Variants in ANKMY1 observed in about 807,000 individuals in gnomAD.
ANKMY1 encodes ankyrin repeat and MYND domain containing 1, also known as ankyrin repeat and MYND domain-containing protein 1.
ANKMY1 carries 98 observed loss-of-function variants against 102.0 expected under a neutral mutation model. That is an observed-to-expected ratio of 0.96 (90% confidence interval 0.82 to 1.14). ANKMY1 has a LOEUF of 1.14. Ranked by LOEUF, ANKMY1 falls within the 50% of genes most tolerant of loss-of-function variation. The pLI is 0.00. For synonymous variants in ANKMY1, 582 were observed against 559.9 expected (o/e 1.04, Z -0.56); for missense variants, 1,330 against 1,347.6 (o/e 0.99, Z 0.20).
rs573749444 is a variant in ANKMY1 at position 240,557,958 on chromosome 2, C to G, written c.-95G>C. 1,023 of 985,684 alleles carry G rather than the reference C, an allele frequency of 1.0e-3. 12 individuals carry two copies. In the African/African-American group the frequency reaches 0.015, roughly 15 times the overall value. The allele number at this position is 985,684 out of a possible 1,614,324, so 61.1% of individuals were successfully genotyped here. On this transcript the variant is annotated 5_prime_UTR_variant, in exon 1 of 18. Coordinates refer to ENST00000401804, the MANE Select transcript of ANKMY1 (RefSeq NM_001282771.3). The stretch of plus-strand genomic sequence containing the variant: ...CAGCCACCGCGGACGCCCGCGCTCC[C>G]GTCCCGACTGCTTGCCAGCCCTGCG...
At chr2:240,478,650 C>T (rs1376669194), downstream of ANKMY1, among the ~76,000 whole-genome samples, 1 of 152,118 alleles carries the variant, frequency 6.6e-6, no homozygotes, top group Admixed American at 6.5e-5. Flanking sequence ...CACTGCTGAC[C>T]CCTTACAGAA....
chr2:240,504,402 A>G (rs936607214), intron 13 of ANKMY1, among the ~76,000 whole-genome samples: 17 of 152,198 alleles, frequency 1.1e-4, no homozygotes, highest in African/African-American at 4.1e-4. Flanking sequence ...AAACACAGGA[A>G]GAAGCTTCAT....
intron 4 of ANKMY1, 37 bp downstream of exon 4, chr2:240,552,877 A>T (rs2091762421): frequency 1.2e-6 from 2 of 1,612,770 alleles, no homozygotes; most frequent in Non-Finnish European, 1.7e-6. Context: ...ACACACAGCC[A>T]CTTCGACCCC....
chr2:240,509,005 GATGA>G (rs2079597277), intron 12 of ANKMY1, among the ~76,000 whole-genome samples: 2 of 152,118 alleles, frequency 1.3e-5, no homozygotes, highest in South Asian at 2.1e-4. Flanking sequence ...TGGATGAGAG[GATGA>G]ATAAGTGGGT....
chr2:240,509,427 A>G lies in ANKMY1; in HGVS notation c.2315T>C (p.Leu772Pro), dbSNP rs867616801. The G allele has an allele frequency of 6.2e-6, 10 of 1,613,564 alleles. No individual in the cohort carries two copies. The Middle Eastern group carries it at 8.3e-4, about 134-fold the overall frequency. Residue 772 changes from leucine (L) to proline (P), a missense_variant, in exon 12 of 18, where the codon CTA becomes CCA. Leu to Pro is a moderately conservative substitution (Grantham distance 98). Transcript: ENST00000401804. The stretch of plus-strand genomic sequence containing the variant: ...CAGGTTAGGATTTGCTCCGTGGGAT[A>G]GAAGGAGCCGGACTATGTCCCTGGC... ...KCARDIVRLL[L>P]SHGANPNLLW...
At chr2:240,505,851 G>T (rs1277024881) in intron 13 of ANKMY1, among the ~76,000 whole-genome samples, 1 of 152,188 alleles carries the variant, frequency 6.6e-6, no homozygotes, top group African/African-American at 2.4e-5. Flanking sequence ...AGCCAGGCAG[G>T]AGTCAGGGCC....
chr2:240,540,608 T>A (rs1409739176), intron 4 of ANKMY1, among the ~76,000 whole-genome samples: 1 of 152,178 alleles, frequency 6.6e-6, no homozygotes, highest in African/African-American at 2.4e-5. Flanking sequence ...TCTTCCCTGC[T>A]ATCTAAACCC....
Position 240,525,665 on chromosome 2 carries a change from G to A in ANKMY1, c.1335+20C>T, listed in dbSNP as rs2083210516. 5 of 1,611,954 alleles carry A rather than the reference G, an allele frequency of 3.1e-6. No individual in the cohort carries two copies. The highest frequency in any genetic ancestry group is 4.2e-6 in the Non-Finnish European group (5 of 1,178,784). ...ACTACAGGAGACAGTTGGTGGTGCA[G>A]TGGCCACCGGGGGGCTTACCTGGGG... On this transcript the variant is annotated intron_variant, in intron 7 of 17. Transcript: ENST00000401804.
intron 4 of ANKMY1, among the ~76,000 whole-genome samples, chr2:240,537,823 C>T (rs1293439783): frequency 5.9e-5 from 9 of 152,236 alleles, no homozygotes; most frequent in South Asian, 2.1e-4. Flanking sequence ...CCCACACCTG[C>T]GCCAATCGCT....
chr2:240,560,758 C>A, upstream of ANKMY1: 2 of 1,491,292 alleles, frequency 1.3e-6, no homozygotes, highest in Middle Eastern at 2.0e-4. Context: ...GTCGCGCCCT[C>A]ACTCTTCCTC....
chr2:240,490,212 A>G (rs763480236), intron 15 of ANKMY1, among the ~76,000 whole-genome samples: 2 of 151,952 alleles, frequency 1.3e-5, no homozygotes, highest in African/African-American at 2.4e-5. Flanking sequence ...CTTGTTTTCA[A>G]CTTTTTAAAG....
rs573339427 is a variant in ANKMY1, at chr2:240,557,860, G to A, written c.-18+21C>T. The A allele has an allele frequency of 2.5e-5, 25 of 984,910 alleles. No individual in the cohort carries two copies. In the South Asian group the frequency reaches 1.1e-3, roughly 43 times the overall value. 61.0% of individuals were successfully genotyped at this position (984,910 alleles called of 1,614,324 possible). On this transcript the variant is annotated intron_variant, in intron 1 of 17. Transcript: ENST00000401804. The stretch of plus-strand genomic sequence containing the variant: ...GATCCCCCTAGCCCCGGCTCCCAGC[G>A]CTCCTGTCGCGAGACCGCACCAAGC...
intron 4 of ANKMY1, among the ~76,000 whole-genome samples, chr2:240,538,822 G>T (rs1575262407): frequency 6.6e-6 from 1 of 152,206 alleles, no homozygotes; most frequent in Admixed American, 6.5e-5. Flanking sequence ...CTCAAGGTTT[G>T]TAAGTGCACC....
chr2:240,517,975 T>C (rs1227792042), intron 9 of ANKMY1, among the ~76,000 whole-genome samples: 1 of 152,030 alleles, frequency 6.6e-6, no homozygotes, highest in Non-Finnish European at 1.5e-5. Flanking sequence ...GATTAACCTT[T>C]GATTCTTGGG....
rs1405387258 is a variant in ANKMY1, at chr2:240,485,713, CTGAG to C, written c.2807-3456_2807-3453del. Among the ~76,000 whole-genome samples the C allele has an allele frequency of 2.0e-5, 3 of 152,080 alleles. 1 individual carries two copies. Among genetic ancestry groups the C allele is most frequent in the Non-Finnish European group, 4.4e-5 (3 of 68,030 alleles). On this transcript the variant is annotated intron_variant, in intron 15 of 17. Coordinates refer to ENST00000401804, the MANE Select transcript of ANKMY1 (RefSeq NM_001282771.3). The stretch of plus-strand genomic sequence containing the variant: ...CCAGTGATCCTCCCACCTCAGCCTC[CTGAG>C]TAACTGCGACTACAGGCCCATGCCA...
upstream of ANKMY1, chr2:240,561,010 G>C (rs566287242): frequency 2.0e-6 from 3 of 1,535,204 alleles, no homozygotes; most frequent in South Asian, 2.4e-5. Context: ...GGCCGCAGCC[G>C]CTCGGCCGCC....
At chr2:240,507,736 C>G in intron 12 of ANKMY1, 45 bp from the exon 13 acceptor site, 1 of 1,548,768 alleles carries the variant, frequency 6.5e-7, no homozygotes, top group Non-Finnish European at 8.7e-7. Flanking sequence ...CATGTCACTT[C>G]CCCTGACAGA....
chr2:240,482,541 T>C (rs535732528), intron 15 of ANKMY1, among the ~76,000 whole-genome samples: 2 of 152,370 alleles, frequency 1.3e-5, no homozygotes, highest in South Asian at 2.1e-4. Context: ...TTTCAAAGTG[T>C]TTCAAATTTC....
chr2:240,485,206 T>C (rs1248639397), intron 15 of ANKMY1, among the ~76,000 whole-genome samples: 2 of 152,004 alleles, frequency 1.3e-5, no homozygotes, highest in East Asian at 3.9e-4. Flanking sequence ...CATGCACCTA[T>C]AGTCCCAGCT....
Sources: gnomAD v4.1 joint callset for allele counts (sites outside exome capture counted in the v4.1 genomes callset) on GRCh38, gnomAD v4.1.1 for gene constraint, MANE v1.5 for transcripts, NCBI Gene and HGNC (gene_info 2026-07-23, HGNC 2026-07-21) for gene names.